UVRAG: variants seen among roughly 807,000 people sequenced by gnomAD.
UVRAG encodes the protein UV radiation resistance-associated gene protein.
UVRAG carries 19 observed loss-of-function variants against 78.0 expected under a neutral mutation model. The observed-to-expected ratio is 0.24, with a 90% CI of 0.17 to 0.36. The LOEUF (loss-of-function observed/expected upper bound fraction) is 0.36, where lower values mean the gene tolerates loss of function less well. Ranked by LOEUF, UVRAG falls within the 10% of genes least tolerant of loss-of-function variation. The pLI is 1.00. For missense variants in UVRAG, 740 were observed against 853.8 expected, an observed-to-expected ratio of 0.87 and a Z score of 1.66; for synonymous variants, 323 against 324.6, an observed-to-expected ratio of 1.00 and a Z score of 0.05.
At chr11:75,902,676 A>T (rs941752378) in intron 5 of UVRAG, among the ~76,000 whole-genome samples, 3 of 151,540 alleles carry the variant, frequency 2.0e-5, no homozygotes, top group Non-Finnish European at 4.4e-5. Context: ...TTAAGTGTTG[A>T]TTTTTTTTAA....
chr11:75,983,378 T>C lies in UVRAG; in HGVS notation c.700-9T>C. 1.3e-6 allele frequency: 2 copies of C among 1,583,222 alleles called. No individual in the cohort carries two copies. Among genetic ancestry groups the C allele is most frequent in the South Asian group, 1.2e-5 (1 of 85,694 alleles). ...ATTCATAAATATACCTGTGATTTTA[T>C]TTATTTAGAAAAAAAAAAGTGAATG... On this transcript the variant is annotated splice_polypyrimidine_tract_variant and intron_variant, in intron 7 of 14. Coordinates refer to ENST00000356136, the MANE Select transcript of UVRAG (RefSeq NM_003369.4).
chr11:75,920,173 G>A (rs1171343965), intron 6 of UVRAG, among the ~76,000 whole-genome samples: 2 of 151,478 alleles, frequency 1.3e-5, no homozygotes, highest in African/African-American at 4.9e-5. Context: ...CTACAGGCAC[G>A]TGCCACCACG....
chr11:76,062,952 T>C (rs1038330706), intron 12 of UVRAG, among the ~76,000 whole-genome samples: 1 of 152,210 alleles, frequency 6.6e-6, no homozygotes, highest in Non-Finnish European at 1.5e-5. Flanking sequence ...ACAAAGTAGT[T>C]ATCACTATCA....
At chr11:75,897,680 C>T (rs1387532503) in intron 5 of UVRAG, among the ~76,000 whole-genome samples, 1 of 151,758 alleles carries the variant, frequency 6.6e-6, no homozygotes, top group South Asian at 2.1e-4. Context: ...TCCGCCACCA[C>T]ACCCAGCTAA....
intron 12 of UVRAG, among the ~76,000 whole-genome samples, chr11:76,062,753 A>C (rs1951117735): frequency 1.3e-5 from 2 of 152,220 alleles, no homozygotes; most frequent in Admixed American, 1.3e-4. Flanking sequence ...AAATCAGTTT[A>C]TTTTAAATAA....
intron 7 of UVRAG, among the ~76,000 whole-genome samples, chr11:75,966,649 C>T (rs1385307400): frequency 6.6e-6 from 1 of 152,094 alleles, no homozygotes; most frequent in Non-Finnish European, 1.5e-5. Flanking sequence ...TTTCCTGACT[C>T]TTCATATATT....
chr11:76,015,249 C>T (rs1363375531), intron 11 of UVRAG, among the ~76,000 whole-genome samples: 1 of 152,148 alleles, frequency 6.6e-6, no homozygotes, highest in Non-Finnish European at 1.5e-5. Context: ...AACCTGTAGT[C>T]CCAGTTACTT....
intron 13 of UVRAG, 33 bp downstream of exon 13, chr11:76,065,821 C>T (rs755871970): frequency 6.3e-7 from 1 of 1,593,712 alleles, no homozygotes; most frequent in East Asian, 2.2e-5. Flanking sequence ...TCTCCTACTT[C>T]CCATGCACAG....
chr11:75,839,221 A>G (rs1461978937), intron 1 of UVRAG, among the ~76,000 whole-genome samples: 1 of 151,864 alleles, frequency 6.6e-6, no homozygotes, highest in Admixed American at 6.6e-5. Context: ...TTTATGTTTT[A>G]GTGAAATTGT....
intron 3 of UVRAG, among the ~76,000 whole-genome samples, chr11:75,869,221 G>A (rs923520365): frequency 1.3e-5 from 2 of 152,164 alleles, no homozygotes; most frequent in African/African-American, 4.8e-5. Context: ...GCTAACAGAG[G>A]TCACTGATAG....
intron 9 of UVRAG, among the ~76,000 whole-genome samples, chr11:76,006,563 G>T (rs1341235647): frequency 6.6e-6 from 1 of 150,850 alleles, no homozygotes; most frequent in African/African-American, 2.4e-5. Flanking sequence ...AGGAAGCTGA[G>T]GTGAGAGGAT....
chr11:76,138,987 G>A (rs1236975523), intron 14 of UVRAG, among the ~76,000 whole-genome samples: 10 of 152,190 alleles, frequency 6.6e-5, no homozygotes, highest in Admixed American at 6.5e-4. Context: ...CCTAGATCGA[G>A]GCCAGCAGAT....
chr11:76,002,428 C>T (rs1010797437), intron 8 of UVRAG, among the ~76,000 whole-genome samples: 3 of 152,064 alleles, frequency 2.0e-5, no homozygotes, highest in African/African-American at 7.2e-5. Context: ...ATTCTAGAGT[C>T]TTCTGAACTG....
chr11:75,976,291 A>G (rs1949237370), intron 7 of UVRAG, among the ~76,000 whole-genome samples: 2 of 152,118 alleles, frequency 1.3e-5, no homozygotes, highest in African/African-American at 4.8e-5. Flanking sequence ...GAGGATTTTT[A>G]CATCAATGTT....
At chr11:75,980,141 TTCTC>T (rs1198602383) in intron 7 of UVRAG, 4 of 154,592 alleles carry the variant, frequency 2.6e-5, no homozygotes, top group South Asian at 2.0e-4. Context: ...TTAATTTAAT[TTCTC>T]TCTCTCTCTC....
In UVRAG at chr11:75,828,805, A is replaced by ATATT. The variant is rs1478310271; in HGVS notation, c.117+13282_117+13283insATTT. Among the ~76,000 whole-genome samples the ATATT allele has an allele frequency of 2.1e-3, 210 of 100,230 alleles. 3 individuals carry two copies. Among genetic ancestry groups the ATATT allele is most frequent in the Middle Eastern group, 8.8e-3 (1 of 114 alleles). 65.8% of individuals were successfully genotyped at this position (100,230 alleles called of 152,430 possible). A position where few individuals can be genotyped will look rare whatever the true frequency, so the allele number is the denominator to read the frequency against. Reference sequence around the variant, plus strand: ...CATATATATATATATATATATATATATTTTTTTTTTTTTGTAGAGACAGGG... The same window carrying ATATT: ...CATATATATATATATATATATATATATATTTTTTTTTTTTTTTGTAGAGACAGGG... On this transcript the variant is annotated intron_variant, in intron 1 of 14. Transcript: ENST00000356136.
chr11:76,053,639 T>G (rs1452582367), intron 12 of UVRAG, among the ~76,000 whole-genome samples: 3 of 152,172 alleles, frequency 2.0e-5, no homozygotes, highest in African/African-American at 7.2e-5. Flanking sequence ...GTAGCCAGTC[T>G]GGTCTTTAAA....
chr11:75,891,753 T>G (rs945509034), intron 5 of UVRAG, among the ~76,000 whole-genome samples: 3 of 151,984 alleles, frequency 2.0e-5, no homozygotes, highest in African/African-American at 7.2e-5. Context: ...GTACTAAAAT[T>G]CAAACAAAAA....
chr11:75,918,000 C>T (rs543540554), intron 6 of UVRAG, among the ~76,000 whole-genome samples: 1 of 152,220 alleles, frequency 6.6e-6, no homozygotes, highest in East Asian at 1.9e-4. Context: ...CAGTCTAGCT[C>T]CAGAGGCTAT....
Sources: allele counts gnomAD v4.1 joint callset (sites outside exome capture counted in the v4.1 genomes callset), GRCh38; gene constraint gnomAD v4.1.1; transcripts MANE v1.5; gene names NCBI Gene and HGNC (gene_info 2026-07-23, HGNC 2026-07-21).